The following LUZP2 variants were observed in gnomAD, a reference collection of about 807,000 sequenced individuals.
LUZP2 encodes leucine zipper protein 2.
Under a neutral mutation model 51.6 loss-of-function variants are expected in LUZP2, and 52 were observed. The ratio of observed to expected loss-of-function variants is 1.01; its 90% confidence interval spans 0.81 to 1.27. LUZP2 has a LOEUF of 1.27. Among genes scored for constraint, LUZP2 ranks in the 50% most tolerant of loss-of-function variants. The pLI, the probability that LUZP2 is intolerant of heterozygous loss-of-function variation, is 0.00. For synonymous variants in LUZP2, 154 were observed against 137.3 expected (o/e 1.12, Z -0.85); for missense variants, 436 against 395.4 (o/e 1.10, Z -0.87).
chr11:24,984,058 G>A (rs1278065009), intron 9 of LUZP2, among the ~76,000 whole-genome samples: 1 of 151,612 alleles, frequency 6.6e-6, no homozygotes, highest in Non-Finnish European at 1.5e-5. Context: ...ATAATCTTTG[G>A]GGGAGGGAGT....
intron 5 of LUZP2, among the ~76,000 whole-genome samples, chr11:24,767,313 C>T (rs552622896): frequency 3.9e-5 from 6 of 152,216 alleles, no homozygotes; most frequent in African/African-American, 1.4e-4. Flanking sequence ...AAAAGGTTAA[C>T]TGAGATATAA....
At chr11:24,639,232 T>A (rs555454452) in intron 1 of LUZP2, among the ~76,000 whole-genome samples, 7 of 151,890 alleles carry the variant, frequency 4.6e-5, no homozygotes, top group Non-Finnish European at 5.9e-5. Context: ...CATTTTACAT[T>A]TTCACATTTC....
At chr11:24,919,804 C>A (rs1165829869) in intron 7 of LUZP2, among the ~76,000 whole-genome samples, 1 of 150,596 alleles carries the variant, frequency 6.6e-6, no homozygotes, top group African/African-American at 2.4e-5. Flanking sequence ...ATTATTGCTA[C>A]CTAGTACAGG....
At position 24,623,482 on chromosome 11, in the gene LUZP2, C is replaced by T. The variant is rs1854573364; in HGVS notation, c.63-105687C>T. Among the ~76,000 whole-genome samples the T allele has an allele frequency of 2.0e-5, 3 of 152,242 alleles. No homozygotes were observed. In the Middle Eastern group the frequency reaches 0.01, roughly 518 times the overall value. On this transcript the variant is annotated intron_variant, in intron 1 of 11. Transcript: ENST00000336930. ...TTTGTGAAAAGAACACAAGGATCTACTTTGTGTAGATGGTCTACTCCTTGT... is the reference window on the plus strand; with the variant it reads ...TTTGTGAAAAGAACACAAGGATCTATTTTGTGTAGATGGTCTACTCCTTGT...
chr11:24,866,685 T>G (rs997017056), intron 5 of LUZP2, among the ~76,000 whole-genome samples: 26 of 152,220 alleles, frequency 1.7e-4, no homozygotes, highest in Admixed American at 1.0e-3. Context: ...CAGATTTGTC[T>G]GCCAACATAG....
chr11:24,797,930 G>A (rs1435509539), intron 5 of LUZP2, among the ~76,000 whole-genome samples: 1 of 152,134 alleles, frequency 6.6e-6, no homozygotes, highest in Non-Finnish European at 1.5e-5. Flanking sequence ...CTATTTGTGA[G>A]AGAAAATAAT....
intron 10 of LUZP2, among the ~76,000 whole-genome samples, chr11:25,060,233 C>T (rs1288615866): frequency 2.0e-5 from 3 of 152,138 alleles, no homozygotes; most frequent in African/African-American, 7.2e-5. Flanking sequence ...TTTCACAGTT[C>T]TAGAGGCTAG....
chr11:24,972,139 G>GAAAAAAAAAAAAA (rs10701148), intron 7 of LUZP2, among the ~76,000 whole-genome samples: 1 of 32,794 alleles, frequency 3.0e-5, no homozygotes. Context: ...GTGAGACTCC[G>GAAAAAAAAAAAAA]AAAAAAAAAA....
chr11:24,717,369 T>C (rs1565095975), intron 1 of LUZP2, among the ~76,000 whole-genome samples: 1 of 151,982 alleles, frequency 6.6e-6, no homozygotes. Flanking sequence ...GGGGGTTTGT[T>C]GTACAGATTA....
chr11:24,920,187 G>A (rs563931833), intron 7 of LUZP2, among the ~76,000 whole-genome samples: 1 of 151,916 alleles, frequency 6.6e-6, no homozygotes, highest in Non-Finnish European at 1.5e-5. Flanking sequence ...ATACATAATG[G>A]CAGACATTTT....
intron 5 of LUZP2, among the ~76,000 whole-genome samples, chr11:24,796,466 T>A (rs1849547037): frequency 6.7e-6 from 1 of 149,494 alleles, no homozygotes; most frequent in Non-Finnish European, 1.5e-5. Context: ...AAACTACAAC[T>A]ATAATTTTGT....
At chr11:24,514,320 A>G (rs1201328975) in intron 1 of LUZP2, among the ~76,000 whole-genome samples, 3 of 152,258 alleles carry the variant, frequency 2.0e-5, no homozygotes, top group Admixed American at 6.5e-5. Flanking sequence ...TTCCTCATCC[A>G]TGGTGAAACT....
intron 1 of LUZP2, among the ~76,000 whole-genome samples, chr11:24,612,422 A>G (rs1188914216): frequency 1.3e-5 from 2 of 152,112 alleles, no homozygotes; most frequent in African/African-American, 4.8e-5. Context: ...TTACAAATTG[A>G]TACTCTTTGG....
chr11:24,679,337 G>A (rs142336677), intron 1 of LUZP2, among the ~76,000 whole-genome samples: 1 of 152,162 alleles, frequency 6.6e-6, no homozygotes, highest in East Asian at 1.9e-4. Context: ...ATAATGTAGA[G>A]AAGTTACATT....
At chr11:24,629,397 G>A (rs1854795867) in intron 1 of LUZP2, among the ~76,000 whole-genome samples, 1 of 150,950 alleles carries the variant, frequency 6.6e-6, no homozygotes, top group South Asian at 2.1e-4. Flanking sequence ...TTATATTGCT[G>A]TAAAATACAT....
At chr11:24,680,097 G>A (rs1380387366) in intron 1 of LUZP2, among the ~76,000 whole-genome samples, 2 of 151,988 alleles carry the variant, frequency 1.3e-5, no homozygotes, top group Non-Finnish European at 2.9e-5. Flanking sequence ...GGAGCAAGGA[G>A]AAAAGGACAA....
intron 1 of LUZP2, among the ~76,000 whole-genome samples, chr11:24,519,409 G>A (rs946951326): frequency 6.6e-6 from 1 of 152,100 alleles, no homozygotes; most frequent in Non-Finnish European, 1.5e-5. Flanking sequence ...AGTTTTGAAT[G>A]TAAGATTCAT....
chr11:24,867,690 T>C (rs1851941238), intron 5 of LUZP2, among the ~76,000 whole-genome samples: 1 of 152,102 alleles, frequency 6.6e-6, no homozygotes, highest in African/African-American at 2.4e-5. Flanking sequence ...TTGGGACAAG[T>C]TCACAGTAGA....
At chr11:24,848,408 G>A (rs938826303) in intron 5 of LUZP2, among the ~76,000 whole-genome samples, 8 of 152,048 alleles carry the variant, frequency 5.3e-5, no homozygotes, top group African/African-American at 1.7e-4. Flanking sequence ...ATCTGTGCAG[G>A]ATAGCCACCT....
Sources: gnomAD v4.1 joint callset for allele counts (sites outside exome capture counted in the v4.1 genomes callset) on GRCh38, gnomAD v4.1.1 for gene constraint, MANE v1.5 for transcripts, NCBI Gene and HGNC (gene_info 2026-07-23, HGNC 2026-07-21) for gene names.